PFKFB2: variants seen among roughly 807,000 people sequenced by gnomAD.
The protein encoded by PFKFB2 is 6-phosphofructo-2-kinase/fructose-2,6-bisphosphatase 2.
PFKFB2 carries 53 observed loss-of-function variants against 68.0 expected under a neutral mutation model. The ratio of observed to expected loss-of-function variants is 0.78; its 90% CI spans 0.63 to 0.98. PFKFB2 has a LOEUF of 0.98. Ranked by LOEUF, PFKFB2 falls within the 50% of genes least tolerant of loss-of-function variation. PFKFB2 has a pLI of 0.00. For missense variants in PFKFB2, 451 were observed against 642.0 expected (o/e 0.70, Z 3.22); for synonymous variants, 222 against 227.6 (o/e 0.98, Z 0.22).
chr1:207,052,222 T>C, upstream of PFKFB2: 1 of 1,612,724 alleles, frequency 6.2e-7, no homozygotes, highest in Non-Finnish European at 8.5e-7. Flanking sequence ...ATAAATTATA[T>C]GTAATGTTTC....
intron 10 of PFKFB2, 44 bp downstream of exon 10, chr1:207,068,353 C>A: frequency 6.8e-7 from 1 of 1,474,118 alleles, no homozygotes; most frequent in South Asian, 1.4e-5. Context: ...AACAAGAGTT[C>A]AGGCAGGAAC....
chr1:207,079,778 G>A (rs1256547517), downstream of PFKFB2: 1 of 152,224 alleles, frequency 6.6e-6, no homozygotes, highest in Non-Finnish European at 1.5e-5. Flanking sequence ...CTGGGTGGTT[G>A]GGAATGTGGA....
intron 2 of PFKFB2, among the ~76,000 whole-genome samples, chr1:207,057,326 A>C (rs1348568673): frequency 6.7e-6 from 1 of 149,164 alleles, no homozygotes; most frequent in Admixed American, 6.7e-5. Context: ...AAAAAAAAAA[A>C]AACTAGCCGG....
Position 207,075,572 on chromosome 1 carries a change from C to G in PFKFB2, c.*3201C>G, listed in dbSNP as rs1000492603. 9.1e-6 allele frequency: 9 copies of G among 985,182 alleles called. No homozygotes were observed. In the African/African-American group the frequency reaches 1.0e-4, roughly 11 times the overall value. The allele number at this position is 985,182 out of a possible 1,614,324, so 61.0% of individuals were successfully genotyped here. ...AAATAAAAATGGACTTAAAAGTACTCTCTGCTGAGGCTGTAAGTTTTGTTT... is the reference window on the plus strand; with the variant it reads ...AAATAAAAATGGACTTAAAAGTACTGTCTGCTGAGGCTGTAAGTTTTGTTT... On this transcript the variant is annotated 3_prime_UTR_variant, in exon 15 of 15. Coordinates refer to ENST00000367080, the MANE Select transcript of PFKFB2 (RefSeq NM_006212.2).
chr1:207,071,439 C>A, intron 13 of PFKFB2, 70 bp from the exon 14 acceptor site: 2 of 1,306,034 alleles, frequency 1.5e-6, no homozygotes, highest in Non-Finnish European at 2.2e-6. Flanking sequence ...TTGTGGTATA[C>A]TTTCCCATAA....
At chr1:207,036,122 C>T (rs191885151) in intron 1 of PFKFB2, among the ~76,000 whole-genome samples, 1 of 152,254 alleles carries the variant, frequency 6.6e-6, no homozygotes, top group Non-Finnish European at 1.5e-5. Context: ...CCCCATGACC[C>T]AAACGCCTCC....
At chr1:207,064,932 G>C in intron 7 of PFKFB2, 104 bp from the exon 8 acceptor site, 2 of 1,332,220 alleles carry the variant, frequency 1.5e-6, no homozygotes, top group Non-Finnish European at 2.1e-6. Flanking sequence ...AGTGAAAGGC[G>C]ACATTTATGG....
At chr1:207,035,615 T>C (rs550011676) in intron 1 of PFKFB2, among the ~76,000 whole-genome samples, 25 of 151,754 alleles carry the variant, frequency 1.6e-4, no homozygotes, top group Admixed American at 7.2e-4. Context: ...ATTATGACAC[T>C]GCACTCCAGC....
In PFKFB2 at chr1:207,061,165, TTATATATATATATATATATA is replaced by T. The variant is rs201702529; in HGVS notation, c.86-770_86-751del. 7.1e-4 allele frequency among the ~76,000 whole-genome samples: 32 copies of T among 45,184 alleles called. 1 individual carries two copies. Among genetic ancestry groups the T allele is most frequent in the African/African-American group, 2.2e-3 (24 of 11,110 alleles). The allele number at this position is 45,184 out of a possible 152,430, so 29.6% of individuals were successfully genotyped here. On this transcript the variant is annotated intron_variant, in intron 2 of 14. Transcript: ENST00000367080. ...TCTTTATATATATTTATATATATCTTTATATATATATATATATATATATATATATATATATATTTTAAGAG... is the reference window on the plus strand; with the variant it reads ...TCTTTATATATATTTATATATATCTTTATATATATATATATATTTTAAGAG...
intron 1 of PFKFB2, among the ~76,000 whole-genome samples, chr1:207,040,595 G>C (rs1467208098): frequency 6.6e-6 from 1 of 152,160 alleles, no homozygotes; most frequent in Admixed American, 6.5e-5. Flanking sequence ...GAATATGTTT[G>C]TGTCTTGTTT....
chr1:207,079,019 A>G (rs753577652), downstream of PFKFB2: 2 of 1,609,010 alleles, frequency 1.2e-6, no homozygotes, highest in Non-Finnish European at 1.7e-6. Context: ...TGCCTTGCTA[A>G]TGATGTGGAT....
downstream of PFKFB2, chr1:207,079,063 T>G: frequency 2.0e-6 from 3 of 1,518,550 alleles, no homozygotes; most frequent in Non-Finnish European, 2.7e-6. Context: ...GACTGGGATC[T>G]ACTGAAAAGC....
intron 2 of PFKFB2, among the ~76,000 whole-genome samples, chr1:207,061,165 T>TTATATATATATATATATATATATA (rs201702529): frequency 4.4e-5 from 2 of 45,180 alleles, no homozygotes; most frequent in Non-Finnish European, 4.2e-5. Flanking sequence ...ATATATATCT[T>TTATATATATATATATATATATATA]TATATATATA....
At chr1:207,061,129 C>CTTTATATATATCTTTATATATA (rs1285777546) in intron 2 of PFKFB2, among the ~76,000 whole-genome samples, 1 of 69,928 alleles carries the variant, frequency 1.4e-5, no homozygotes, top group African/African-American at 5.2e-5. Flanking sequence ...TTATATATAT[C>CTTTATATATATCTTTATATATA]TTTATATATA....
upstream of PFKFB2, chr1:207,050,796 TGGC>T: frequency 1.2e-6 from 2 of 1,613,434 alleles, no homozygotes; most frequent in Non-Finnish European, 1.7e-6. Flanking sequence ...ATCCCGGTGA[TGGC>T]GGCAATTTGG....
intron 1 of PFKFB2, among the ~76,000 whole-genome samples, chr1:207,040,559 T>C (rs1682456442): frequency 6.6e-6 from 1 of 152,202 alleles, no homozygotes; most frequent in African/African-American, 2.4e-5. Context: ...TATGAGGAAA[T>C]CATAAAAGTT....
chr1:207,048,559 T>TCCA (rs1414124682), upstream of PFKFB2: 1 of 157,450 alleles, frequency 6.4e-6, no homozygotes, highest in African/African-American at 2.4e-5. Context: ...CAGGAGGCCT[T>TCCA]CCACATTACC....
chr1:207,067,361 C>T, intron 8 of PFKFB2, 138 bp from the exon 9 acceptor site: 2 of 626,124 alleles, frequency 3.2e-6, no homozygotes, highest in East Asian at 2.7e-5. Context: ...CCATTTGGTT[C>T]CATAAACGTG....
chr1:207,070,500 G>T lies in PFKFB2; in HGVS notation c.1222+91G>T, dbSNP rs1683434778. On this transcript the variant is annotated intron_variant, in intron 12 of 14. Transcript: ENST00000367080. This position sits in a 1 kb window ranked among gnomAD's most constrained non-coding sequence, Gnocchi z 4.2. ...GGATTCCTGGGAAACAGACCTCCCT[G>T]TCTCCACTCAAATTAGAGTACTTTC... is the stretch of plus-strand genomic sequence containing the variant. 5 of 1,424,578 alleles carry T rather than the reference G, an allele frequency of 3.5e-6. No homozygotes were observed. The highest frequency in any genetic ancestry group is 4.8e-6 in the Non-Finnish European group (5 of 1,038,486). 88.2% of individuals were successfully genotyped at this position (1,424,578 alleles called of 1,614,324 possible).
Sources: gnomAD v4.1 joint callset for allele counts (sites outside exome capture counted in the v4.1 genomes callset) on GRCh38, gnomAD v4.1.1 for gene constraint, Gnocchi (gnomAD v3.1) non-coding constraint, MANE v1.5 for transcripts, NCBI Gene and HGNC (gene_info 2026-07-23, HGNC 2026-07-21) for gene names.